Variants in ILDR1 observed in about 807,000 individuals in gnomAD.
ILDR1 encodes immunoglobulin-like domain-containing receptor 1.
Under a neutral mutation model 62.4 loss-of-function variants are expected in ILDR1, and 56 were observed. The observed-to-expected ratio is 0.90, with a 90% CI of 0.72 to 1.12. ILDR1 has a LOEUF of 1.12. Among genes scored for constraint, ILDR1 ranks in the 50% most tolerant of loss-of-function variants. The pLI is 0.00. For missense variants in ILDR1, 736 were observed against 710.6 expected, an observed-to-expected ratio of 1.04 and a Z score of -0.41; for synonymous variants, 284 against 277.8, an observed-to-expected ratio of 1.02 and a Z score of -0.22.
At chr3:122,005,216 GTT>G in intron 3 of ILDR1, 26 bp downstream of exon 3, 1 of 641,166 alleles carries the variant, frequency 1.6e-6, no homozygotes, top group Non-Finnish European at 2.6e-6. Flanking sequence ...CCCACCCCCA[GTT>G]CCCCTGACAC....
At chr3:122,018,273 C>T (rs1274133935) in intron 1 of ILDR1, among the ~76,000 whole-genome samples, 1 of 151,648 alleles carries the variant, frequency 6.6e-6, no homozygotes, top group Non-Finnish European at 1.5e-5. Context: ...CCATCATTCT[C>T]AGCAAACTAT....
the ILDR1 span, among the ~76,000 whole-genome samples, chr3:122,030,288 T>A: frequency 6.6e-6 from 1 of 151,784 alleles, no homozygotes; most frequent in Non-Finnish European, 1.5e-5. Context: ...GCAACAAAGG[T>A]AGAGTGTCTG....
In ILDR1 at chr3:122,010,725, C is replaced by A. The variant is rs967726382; in HGVS notation, c.59-3564G>T. 3.3e-5 allele frequency among the ~76,000 whole-genome samples: 5 copies of A among 152,218 alleles called. No homozygotes were observed. The South Asian group carries it at 1.0e-3, about 32-fold the overall frequency. ...GAAGCAGCCACAGATAAGATTTTCA[C>A]AATGAATAGGTTGCCATTGTCAACA... On this transcript the variant is annotated intron_variant, in intron 1 of 7. Transcript: ENST00000344209.
chr3:122,044,329 T>G, the ILDR1 span, among the ~76,000 whole-genome samples: 1 of 108,424 alleles, frequency 9.2e-6, no homozygotes, highest in African/African-American at 4.1e-5. Context: ...CAGTATTTTA[T>G]TGAGGATTTT....
chr3:122,025,553 C>A (rs2071912246), upstream of ILDR1, among the ~76,000 whole-genome samples: 1 of 152,192 alleles, frequency 6.6e-6, no homozygotes. Flanking sequence ...TAGGATCTGA[C>A]CACAAAGTAC....
chr3:122,016,074 C>G (rs1325215707), intron 1 of ILDR1, among the ~76,000 whole-genome samples: 1 of 152,250 alleles, frequency 6.6e-6, no homozygotes, highest in Non-Finnish European at 1.5e-5. Flanking sequence ...TCTCTGGCCT[C>G]AACTCCACCA....
In ILDR1 at chr3:122,006,971, A is replaced by G. The variant is rs770023328; in HGVS notation, c.229+20T>C. 42 of 1,607,864 alleles carry G rather than the reference A, an allele frequency of 2.6e-5. No individual in the cohort carries two copies. The South Asian group carries it at 4.7e-4, about 18-fold the overall frequency. The stretch of plus-strand genomic sequence containing the variant: ...AGGTGTCTGGGACCCACAGAGGGCC[A>G]AGGGGGTAAGGATACTCACACGCTG... On this transcript the variant is annotated intron_variant, in intron 2 of 7. Coordinates refer to ENST00000344209, the MANE Select transcript of ILDR1 (RefSeq NM_001199799.2).
intron 1 of ILDR1, among the ~76,000 whole-genome samples, chr3:122,011,798 A>G (rs985575713): frequency 6.6e-5 from 10 of 151,920 alleles, no homozygotes; most frequent in African/African-American, 2.2e-4. Flanking sequence ...GCACCGGGTG[A>G]TGTACATTCT....
the ILDR1 span, among the ~76,000 whole-genome samples, chr3:122,052,982 A>T: frequency 6.6e-6 from 1 of 152,252 alleles, no homozygotes; most frequent in Non-Finnish European, 1.5e-5. Context: ...AGGACAGACT[A>T]TGGTGAGGGT....
the ILDR1 span, among the ~76,000 whole-genome samples, chr3:122,047,571 G>T: frequency 1.3e-5 from 2 of 152,170 alleles, no homozygotes; most frequent in Admixed American, 1.3e-4. Context: ...GCGAGATTCC[G>T]TGGGCGTAGG....
the ILDR1 span, among the ~76,000 whole-genome samples, chr3:122,037,504 C>T: frequency 1.6e-4 from 24 of 152,298 alleles, no homozygotes; most frequent in South Asian, 1.0e-3. Flanking sequence ...CTCTTTGTTT[C>T]GGCCAATTTC....
chr3:122,035,095 G>C, the ILDR1 span, among the ~76,000 whole-genome samples: 1 of 152,168 alleles, frequency 6.6e-6, no homozygotes, highest in African/African-American at 2.4e-5. Context: ...GGCTGGCTTG[G>C]TGAGGGGACA....
At chr3:122,061,626 T>C in the ILDR1 span, among the ~76,000 whole-genome samples, 1 of 152,192 alleles carries the variant, frequency 6.6e-6, no homozygotes, top group Non-Finnish European at 1.5e-5. Flanking sequence ...CATTTGCCTT[T>C]ATGAAAAAAT....
At chr3:121,991,815 T>C (rs1029183439) in intron 7 of ILDR1, among the ~76,000 whole-genome samples, 3 of 152,220 alleles carry the variant, frequency 2.0e-5, no homozygotes, top group African/African-American at 7.2e-5. Context: ...GCACACACCA[T>C]GTATGTGATT....
At chr3:122,001,198 GGGCAT>G in intron 5 of ILDR1, 105 bp downstream of exon 5, 1 of 1,238,206 alleles carries the variant, frequency 8.1e-7, no homozygotes, top group South Asian at 1.3e-5. Flanking sequence ...GATGGGAGAA[GGGCAT>G]GGAGGAGAAC....
At chr3:121,989,982 G>A (rs1471205067) in intron 7 of ILDR1, among the ~76,000 whole-genome samples, 1 of 152,182 alleles carries the variant, frequency 6.6e-6, no homozygotes, top group Non-Finnish European at 1.5e-5. Context: ...TTTATAAAAA[G>A]TTATGGTAAA....
At chr3:122,022,761 A>G (rs1282082030), upstream of ILDR1, among the ~76,000 whole-genome samples, 2 of 152,100 alleles carry the variant, frequency 1.3e-5, no homozygotes, top group Non-Finnish European at 2.9e-5. Context: ...ATAAAAATAC[A>G]AAACAGCCGT....
rs747905740 is a variant in ILDR1, at chr3:122,001,792, C to T, written c.452G>A (p.Gly151Glu). Residue 151 changes from glycine to glutamate, a missense_variant, in exon 4 of 8, where the codon GGG becomes GAG. Physicochemically the swap from Gly to Glu is moderately conservative, Grantham distance 98. Transcript: ENST00000344209. ...CTTATCGGGGTCTCCTGATGTGTCC[C>T]CTGGAGCCTCAATGGTGCAGTAATA... ...GVYYCTIEAPGDTSGDPDKEV... is the reference protein window; with the variant it reads ...GVYYCTIEAPEDTSGDPDKEV... The T allele has an allele frequency of 6.2e-7, 1 of 1,613,402 alleles. No homozygotes were observed. The highest frequency in any genetic ancestry group is 1.3e-5 in the African/African-American group (1 of 74,866).
At chr3:122,030,951 G>C in the ILDR1 span, among the ~76,000 whole-genome samples, 2 of 152,154 alleles carry the variant, frequency 1.3e-5, no homozygotes, top group African/African-American at 4.8e-5. Flanking sequence ...GCATTCCCCA[G>C]GGCAGCCCCT....
Sources: allele counts gnomAD v4.1 joint callset (sites outside exome capture counted in the v4.1 genomes callset), GRCh38; gene constraint gnomAD v4.1.1; transcripts MANE v1.5; gene names NCBI Gene and HGNC (gene_info 2026-07-23, HGNC 2026-07-21).